The following TRIB3 variants were observed in gnomAD, a reference collection of about 807,000 sequenced individuals.
TRIB3 encodes the protein tribbles homolog 3.
In TRIB3, 20 loss-of-function variants were observed where a neutral mutation model predicts 16.6. The ratio of observed to expected loss-of-function variants is 1.20; its 90% confidence interval spans 0.85 to 1.75. The LOEUF (loss-of-function observed/expected upper bound fraction) is 1.75, where lower values mean the gene tolerates loss of function less well. Ranked by LOEUF, TRIB3 falls within the 40% of genes most tolerant of loss-of-function variation. TRIB3 has a pLI of 0.00. For missense variants in TRIB3, 484 were observed against 488.9 expected (o/e 0.99, Z 0.10); for synonymous variants, 208 against 217.0 (o/e 0.96, Z 0.36).
At chr20:394,790 GAAAAAAAAGAAA>G (rs1021655678) in intron 3 of TRIB3, among the ~76,000 whole-genome samples, 1 of 141,200 alleles carries the variant, frequency 7.1e-6, no homozygotes, top group African/African-American at 2.6e-5. Context: ...TATCTCTAAA[GAAAAAAAAGAAA>G]AAAAAAAAGA....
intron 1 of TRIB3, chr20:385,416 T>C (rs1334837076): frequency 2.8e-5 from 3 of 107,878 alleles, no homozygotes; most frequent in Non-Finnish European, 4.1e-5. Context: ...CCCGGCCTAT[T>C]TTTTTTTTTT....
At chr20:389,434 T>C (rs1271021859) in intron 2 of TRIB3, among the ~76,000 whole-genome samples, 1 of 152,142 alleles carries the variant, frequency 6.6e-6, no homozygotes, top group Non-Finnish European at 1.5e-5. Context: ...CCTGGGTCCC[T>C]TGGGAATGCA....
At chr20:391,042 C>T (rs529294434) in intron 2 of TRIB3, among the ~76,000 whole-genome samples, 2 of 146,850 alleles carry the variant, frequency 1.4e-5, no homozygotes, top group African/African-American at 5.1e-5. Flanking sequence ...CAGTGGAGTG[C>T]ATACGTGCAA....
intron 1 of TRIB3, among the ~76,000 whole-genome samples, chr20:386,580 T>TCTA: frequency 6.6e-6 from 1 of 152,056 alleles, no homozygotes; most frequent in African/African-American, 2.4e-5. Flanking sequence ...GGCTAATTTT[T>TCTA]TTTTTCTCCC....
At chr20:386,463 T>C (rs2014811859) in intron 1 of TRIB3, among the ~76,000 whole-genome samples, 4 of 152,088 alleles carry the variant, frequency 2.6e-5, no homozygotes, top group African/African-American at 9.7e-5. Context: ...GGCTGGAGTG[T>C]AGTGGCACAA....
At chr20:386,776 T>G (rs2014823952) in intron 1 of TRIB3, among the ~76,000 whole-genome samples, 1 of 151,510 alleles carries the variant, frequency 6.6e-6, no homozygotes, top group South Asian at 2.1e-4. Flanking sequence ...TTTCACCATG[T>G]TGGCCAGGCT....
chr20:394,086 A>G (rs1056419630), intron 3 of TRIB3, among the ~76,000 whole-genome samples: 1 of 141,810 alleles, frequency 7.1e-6, no homozygotes, highest in Non-Finnish European at 1.5e-5. Flanking sequence ...GTTGGAGTGC[A>G]GTGGCACGAT....
intron 1 of TRIB3, among the ~76,000 whole-genome samples, chr20:387,036 C>A (rs902995886): frequency 6.6e-6 from 1 of 152,308 alleles, no homozygotes; most frequent in African/African-American, 2.4e-5. Context: ...CAGGCGTGAG[C>A]CACCACGCCT....
In TRIB3 at chr20:391,328, T is replaced by A; in HGVS notation, c.333T>A (p.Tyr111Ter). Residue 111 changes from tyrosine (Y) to a stop codon, truncating the protein, a stop_gained, in exon 3 of 4, where the codon TAT (tyrosine) becomes TAA (stop). Coordinates refer to ENST00000217233, the MANE Select transcript of TRIB3 (RefSeq NM_021158.5). LOFTEE classifies it high-confidence loss of function. ...VQEALAVLEPYARLPPHKHVA... is the reference protein window; with the variant it reads ...VQEALAVLEP ...AAGCCCTGGCCGTGCTGGAGCCCTA[T>A]GCGCGGCTGCCCCCGCACAAGCATG... 6.2e-7 allele frequency: 1 copy of A among 1,613,032 alleles called. No individual in the cohort carries two copies. Among genetic ancestry groups the A allele is most frequent in the Non-Finnish European group, 8.5e-7 (1 of 1,179,940 alleles).
intron 2 of TRIB3, among the ~76,000 whole-genome samples, chr20:390,985 G>C (rs533649427): frequency 7.6e-6 from 1 of 131,402 alleles, no homozygotes; most frequent in South Asian, 2.5e-4. Context: ...CTGGGTGACA[G>C]AGCGAGACTC....
intron 2 of TRIB3, among the ~76,000 whole-genome samples, chr20:389,526 G>A (rs1159240712): frequency 6.6e-6 from 1 of 152,138 alleles, no homozygotes; most frequent in Admixed American, 6.5e-5. Flanking sequence ...TGAACAGCGG[G>A]GCAGATCCAG....
rs1230872490 is a variant in TRIB3 at position 396,248 on chromosome 20, C to G, written c.635C>G (p.Pro212Arg). The G allele has an allele frequency of 1.2e-6, 2 of 1,613,784 alleles. No individual in the cohort carries two copies. Among genetic ancestry groups the G allele is most frequent in the Non-Finnish European group, 8.5e-7 (1 of 1,179,960 alleles). ...NLEDSCVLTG[P>R]DDSLWDKHAC... ...GAGGACTCCTGCGTGCTGACTGGGCCAGATGATTCCCTGTGGGACAAGCAC... is the reference window on the plus strand; with the variant it reads ...GAGGACTCCTGCGTGCTGACTGGGCGAGATGATTCCCTGTGGGACAAGCAC... Residue 212 changes from proline (P) to arginine (R), a missense_variant, in exon 4 of 4, where the codon CCA (proline) becomes CGA (arginine). Coordinates refer to ENST00000217233, the MANE Select transcript of TRIB3 (RefSeq NM_021158.5).
chr20:385,602 C>T (rs1202389546), intron 1 of TRIB3: 2 of 152,008 alleles, frequency 1.3e-5, no homozygotes, highest in African/African-American at 4.8e-5. Context: ...GAATGAGCTA[C>T]TTTGGGAGTA....
intron 1 of TRIB3, among the ~76,000 whole-genome samples, chr20:386,958 G>A (rs563873628): frequency 4.6e-5 from 7 of 150,728 alleles, no homozygotes; most frequent in South Asian, 4.2e-4. Flanking sequence ...TCACCATGTT[G>A]GCCAGGCTGG....
rs190236187 is a variant in TRIB3 at position 394,660 on chromosome 20, C to A, written c.585-1538C>A. ...AATTAGCCAGGTGTGGTGATGCACA[C>A]CTGTGATCCCAGCTACTTGGGAGGC... On this transcript the variant is annotated intron_variant, in intron 3 of 3. Coordinates refer to ENST00000217233, the MANE Select transcript of TRIB3 (RefSeq NM_021158.5). 4.5e-3 allele frequency among the ~76,000 whole-genome samples: 691 copies of A among 152,148 alleles called. 4 individuals are homozygous for A. The highest frequency in any genetic ancestry group is 0.015 in the African/African-American group (639 of 41,500).
At chr20:381,784 G>T (rs2014659835) in intron 1 of TRIB3, among the ~76,000 whole-genome samples, 1 of 152,188 alleles carries the variant, frequency 6.6e-6, no homozygotes, top group Admixed American at 6.5e-5. Context: ...GGCGCAGCGC[G>T]CGATCTCTGG....
chr20:396,067 A>C, intron 3 of TRIB3, 131 bp from the exon 4 acceptor site: 2 of 1,362,342 alleles, frequency 1.5e-6, no homozygotes, highest in African/African-American at 1.4e-5. Flanking sequence ...ATCAGACATC[A>C]CAGGACTGGC....
chr20:388,922 A>T (rs1257088389), intron 2 of TRIB3, among the ~76,000 whole-genome samples: 2 of 152,122 alleles, frequency 1.3e-5, no homozygotes, highest in African/African-American at 2.4e-5. Context: ...GAGAAGGGCC[A>T]TGCGTGAAGT....
Position 396,393 on chromosome 20 carries a change from C to G in TRIB3, c.780C>G (p.Pro260=). The G allele has an allele frequency of 6.2e-7, 1 of 1,613,436 alleles. No individual in the cohort carries two copies. The highest frequency in any genetic ancestry group is 8.5e-7 in the Non-Finnish European group (1 of 1,180,032). ...TCACCATGCTGGCCGGCCACTACCCCTTCCAGGACTCGGAGCCTGTCCTGC... is the reference window on the plus strand; with the variant it reads ...TCACCATGCTGGCCGGCCACTACCCGTTCCAGGACTCGGAGCCTGTCCTGC... ...ALFTMLAGHY[P]FQDSEPVLLF... Residue 260 remains proline (P), a synonymous_variant, in exon 4 of 4, where the codon CCC becomes CCG. Coordinates refer to ENST00000217233, the MANE Select transcript of TRIB3 (RefSeq NM_021158.5).
Sources: gnomAD v4.1 joint callset for allele counts (sites outside exome capture counted in the v4.1 genomes callset) on GRCh38, gnomAD v4.1.1 for gene constraint, MANE v1.5 for transcripts, NCBI Gene and HGNC (gene_info 2026-07-23, HGNC 2026-07-21) for gene names.